Variants in DDB2 observed in about 807,000 individuals in gnomAD.
The protein encoded by DDB2 is damage specific DNA binding protein 2, also known as DNA damage-binding protein 2.
In DDB2, 27 loss-of-function variants were observed where a neutral mutation model predicts 50.5. The ratio of observed to expected loss-of-function variants is 0.53; its 90% CI spans 0.39 to 0.74. DDB2 has a LOEUF of 0.74. DDB2 is among the 30% of genes least tolerant of loss of function. The pLI, the probability that DDB2 is intolerant of heterozygous loss-of-function variation, is 0.00. For synonymous variants in DDB2, 176 were observed against 205.5 expected, an observed-to-expected ratio of 0.86 and a Z score of 1.23; for missense variants, 424 against 545.6, an observed-to-expected ratio of 0.78 and a Z score of 2.22.
At chr11:47,226,962 TA>T (rs1321732609) in intron 3 of DDB2, among the ~76,000 whole-genome samples, 6 of 151,338 alleles carry the variant, frequency 4.0e-5, no homozygotes, top group African/African-American at 9.7e-5. Flanking sequence ...CTTACTAAGT[TA>T]AAAAAAAATT....
chr11:47,229,304 G>T (rs1040051413), intron 3 of DDB2, among the ~76,000 whole-genome samples: 4 of 152,152 alleles, frequency 2.6e-5, no homozygotes, highest in African/African-American at 7.2e-5. Flanking sequence ...CGGGGTTGAG[G>T]ATGCTGAACC....
At chr11:47,229,940 C>G (rs982685422) in intron 3 of DDB2, 55 of 332,098 alleles carry the variant, frequency 1.7e-4, no homozygotes, top group African/African-American at 1.2e-3. Flanking sequence ...AAGTCACCAT[C>G]CCACCTCAGC....
chr11:47,235,304 C>T lies in DDB2; in HGVS notation c.915C>T (p.Thr305=), dbSNP rs758199547. ...CFSPDGARLL[T]TDQKSEIRVY... ...GTCCCGATGGAGCCCGGCTCCTGACCACGGACCAGAAGAGCGAGATCCGAG... is the reference window on the plus strand; with the variant it reads ...GTCCCGATGGAGCCCGGCTCCTGACTACGGACCAGAAGAGCGAGATCCGAG... Residue 305 remains threonine, a synonymous_variant, in exon 7 of 10, where the codon ACC becomes ACT. Coordinates refer to ENST00000256996, the MANE Select transcript of DDB2 (RefSeq NM_000107.3). The T allele has an allele frequency of 1.9e-6, 3 of 1,614,218 alleles. No homozygotes were observed. Among genetic ancestry groups the T allele is most frequent in the East Asian group, 2.2e-5 (1 of 44,880 alleles).
intron 1 of DDB2, chr11:47,215,814 TAC>T: frequency 3.8e-6 from 1 of 265,902 alleles, no homozygotes; most frequent in South Asian, 3.9e-5. Context: ...GGTCCTCAAA[TAC>T]AGTTTGGTGA....
intron 7 of DDB2, 24 bp downstream of exon 7, chr11:47,235,436 C>T (rs375859106): frequency 6.2e-6 from 10 of 1,605,608 alleles, no homozygotes; most frequent in South Asian, 3.3e-5. Flanking sequence ...GGAAGGAGCT[C>T]GCAGAAGGAG....
intron 3 of DDB2, among the ~76,000 whole-genome samples, chr11:47,227,295 C>G (rs199945592): frequency 1.3e-5 from 2 of 150,004 alleles, no homozygotes; most frequent in East Asian, 3.9e-4. Context: ...TTAGTAGAGA[C>G]AGGGTTTCAC....
In DDB2 at chr11:47,232,979, G is replaced by C; in HGVS notation, c.602+20G>C. On this transcript the variant is annotated intron_variant, in intron 4 of 9. Transcript: ENST00000256996. ...CATCAAGTGAGTAGTTTAACTAGCA[G>C]GGGAAAGGGCTTCTAAGCTTAGGTG... 6.2e-7 allele frequency: 1 copy of C among 1,613,960 alleles called. No individual in the cohort carries two copies. Among genetic ancestry groups the C allele is most frequent in the East Asian group, 2.2e-5 (1 of 44,872 alleles).
chr11:47,219,624 T>G (rs1590990233), intron 3 of DDB2, among the ~76,000 whole-genome samples: 1 of 152,192 alleles, frequency 6.6e-6, no homozygotes, highest in African/African-American at 2.4e-5. Flanking sequence ...TGCTCGGGAT[T>G]ACAGGGCTGA....
At chr11:47,218,805 C>G (rs1233220924) in intron 3 of DDB2, among the ~76,000 whole-genome samples, 1 of 151,036 alleles carries the variant, frequency 6.6e-6, no homozygotes, top group Non-Finnish European at 1.5e-5. Flanking sequence ...GACTGTTGTG[C>G]AAAAATGTAG....
At chr11:47,214,729 C>T, upstream of DDB2, 1 of 339,438 alleles carries the variant, frequency 2.9e-6, no homozygotes, top group Non-Finnish European at 5.7e-6. Flanking sequence ...TATGATCGCC[C>T]CACTGCCCTC....
At chr11:47,227,037 T>C (rs1953568844) in intron 3 of DDB2, among the ~76,000 whole-genome samples, 1 of 151,696 alleles carries the variant, frequency 6.6e-6, no homozygotes, top group Admixed American at 6.6e-5. Context: ...TGTTTGCCTG[T>C]TTTTTAGTTG....
intron 3 of DDB2, chr11:47,221,594 A>C (rs911728739): frequency 1.3e-5 from 2 of 152,132 alleles, no homozygotes; most frequent in African/African-American, 4.8e-5. Flanking sequence ...ACAGGAGCCT[A>C]CCACCATGCC....
chr11:47,238,446 T>C (rs1243816269), intron 9 of DDB2, among the ~76,000 whole-genome samples: 1 of 152,108 alleles, frequency 6.6e-6, no homozygotes, highest in Non-Finnish European at 1.5e-5. Context: ...CCCCCCGGGC[T>C]GGAGTGCAGT....
chr11:47,238,024 A>G, intron 8 of DDB2, 23 bp downstream of exon 8: 1 of 1,614,146 alleles, frequency 6.2e-7, no homozygotes, highest in Non-Finnish European at 8.5e-7. Flanking sequence ...TCCTCAAATA[A>G]TGATGGGAGG....
At chr11:47,224,873 C>A (rs903917084) in intron 3 of DDB2, among the ~76,000 whole-genome samples, 4 of 152,036 alleles carry the variant, frequency 2.6e-5, no homozygotes, top group African/African-American at 9.7e-5. Flanking sequence ...TACTGTATAT[C>A]CCCTCTAGAA....
chr11:47,232,800 C>T lies in DDB2; in HGVS notation c.457-14C>T. On this transcript the variant is annotated splice_polypyrimidine_tract_variant and intron_variant, in intron 3 of 9. Coordinates refer to ENST00000256996, the MANE Select transcript of DDB2 (RefSeq NM_000107.3). ...CCCATCATCACTCACTGGCTTTTTC[C>T]TTCCTCGTGTTAGATTGGAGCTGGA... is the stretch of plus-strand genomic sequence containing the variant. The T allele has an allele frequency of 1.2e-6, 2 of 1,613,100 alleles. No individual in the cohort carries two copies. Among genetic ancestry groups the T allele is most frequent in the Non-Finnish European group, 1.7e-6 (2 of 1,180,010 alleles).
At chr11:47,228,330 T>C (rs892665388) in intron 3 of DDB2, among the ~76,000 whole-genome samples, 3 of 148,440 alleles carry the variant, frequency 2.0e-5, no homozygotes, top group African/African-American at 7.6e-5. Flanking sequence ...TTCTAGTCTG[T>C]GGAGACGGAG....
chr11:47,238,263 G>T, intron 9 of DDB2, 80 bp downstream of exon 9: 2 of 1,312,830 alleles, frequency 1.5e-6, no homozygotes, highest in Non-Finnish European at 1.1e-6. Context: ...CCTCAGCCCC[G>T]CCCTGCCACA....
chr11:47,215,960 T>G, intron 1 of DDB2: 1 of 341,330 alleles, frequency 2.9e-6, no homozygotes, highest in Middle Eastern at 1.0e-3. Context: ...CTAAAATCTT[T>G]TTATTGTGCA....
Sources: allele counts gnomAD v4.1 joint callset (sites outside exome capture counted in the v4.1 genomes callset), GRCh38; gene constraint gnomAD v4.1.1; transcripts MANE v1.5; gene names NCBI Gene and HGNC (gene_info 2026-07-23, HGNC 2026-07-21).